CNTNAP2: variants seen among roughly 807,000 people sequenced by gnomAD.
The protein encoded by CNTNAP2 is contactin-associated protein-like 2.
Under a neutral mutation model 155.2 loss-of-function variants are expected in CNTNAP2, and 98 were observed. The ratio of observed to expected loss-of-function variants is 0.63; its 90% CI spans 0.54 to 0.75. CNTNAP2 has a LOEUF of 0.75. Among genes scored for constraint, CNTNAP2 ranks in the 30% least tolerant of loss-of-function variants. The probability of loss-of-function intolerance (pLI) is 0.00; values close to 1 mark genes in which losing one functional copy is unlikely to be tolerated. For synonymous variants in CNTNAP2, 651 were observed against 631.2 expected, an observed-to-expected ratio of 1.03 and a Z score of -0.47; for missense variants, 1,727 against 1,688.1, an observed-to-expected ratio of 1.02 and a Z score of -0.40.
At position 146,381,842 on chromosome 7, in the gene CNTNAP2, C is replaced by T. The variant is rs187420965; in HGVS notation, c.97+264869C>T. 1.4e-3 allele frequency among the ~76,000 whole-genome samples: 215 copies of T among 152,162 alleles called. 1 individual carries two copies. Among genetic ancestry groups the T allele is most frequent in the Non-Finnish European group, 2.7e-3 (181 of 67,994 alleles). ...CAATCGTATTTTTTTACTGCTGGTC[C>T]GCTGGGCTTGATCTTGCCTAGGGCT... On this transcript the variant is annotated intron_variant, in intron 1 of 23. Transcript: ENST00000361727.
rs190490629 is a variant in CNTNAP2 at position 146,455,608 on chromosome 7, A to G, written c.98-318663A>G. On this transcript the variant is annotated intron_variant, in intron 1 of 23. Coordinates refer to ENST00000361727, the MANE Select transcript of CNTNAP2 (RefSeq NM_014141.6). ...TTCTCTCATTCTATACATAATGTTT[A>G]TAATTTAAAATTCATAGGGTCTTAT... Among the ~76,000 whole-genome samples the G allele has an allele frequency of 1.4e-4, 21 of 152,290 alleles. No homozygotes were observed. In the East Asian group the frequency reaches 3.5e-3, roughly 25 times the overall value.
At chr7:147,183,790 C>T (rs1216135564) in intron 8 of CNTNAP2, among the ~76,000 whole-genome samples, 1 of 152,106 alleles carries the variant, frequency 6.6e-6, no homozygotes, top group Non-Finnish European at 1.5e-5. Context: ...AGATTACTAC[C>T]TGAGCTGCAG....
intron 9 of CNTNAP2, among the ~76,000 whole-genome samples, chr7:147,330,314 C>T (rs1795535674): frequency 6.6e-6 from 1 of 152,116 alleles, no homozygotes; most frequent in Non-Finnish European, 1.5e-5. Context: ...CCCGGTGCCT[C>T]CCATCATGCC....
rs888976222 is a variant in CNTNAP2 at position 147,527,015 on chromosome 7, C to CTTTTTTTTTTTT, written c.1778-35107_1778-35096dup. ...CATGAATTATGGAAGACAGGCATTT[C>CTTTTTTTTTTTT]TTTTTTTTTTTTTTTTTTTTTTTTT... On this transcript the variant is annotated intron_variant, in intron 11 of 23. Transcript: ENST00000361727. Among the ~76,000 whole-genome samples the CTTTTTTTTTTTT allele has an allele frequency of 5.1e-4, 33 of 65,168 alleles. 3 individuals carry two copies. Among genetic ancestry groups the CTTTTTTTTTTTT allele is most frequent in the African/African-American group, 2.5e-3 (32 of 12,768 alleles). The allele number at this position is 65,168 out of a possible 152,430, so 42.8% of individuals were successfully genotyped here.
chr7:147,450,995 C>A (rs538453580), intron 10 of CNTNAP2, among the ~76,000 whole-genome samples: 1 of 152,328 alleles, frequency 6.6e-6, no homozygotes, highest in African/African-American at 2.4e-5. Flanking sequence ...CCTTACTGTT[C>A]TTTGACCAGG....
intron 13 of CNTNAP2, among the ~76,000 whole-genome samples, chr7:147,739,575 C>T (rs1796921390): frequency 6.6e-6 from 1 of 151,918 alleles, no homozygotes; most frequent in Admixed American, 6.6e-5. Context: ...GTTTGAGGCA[C>T]ACACACATAT....
At chr7:146,524,645 T>G (rs1797661730) in intron 1 of CNTNAP2, among the ~76,000 whole-genome samples, 1 of 152,100 alleles carries the variant, frequency 6.6e-6, no homozygotes. Context: ...CCACAATGCC[T>G]TAGAAGGGAG....
intron 16 of CNTNAP2, among the ~76,000 whole-genome samples, chr7:148,129,771 T>C (rs17548646): frequency 0.022 from 3,347 of 152,348 alleles, 47 homozygotes; most frequent in Middle Eastern, 0.044. Context: ...AGGTCTCGTC[T>C]ACCATGAACA....
At chr7:148,114,819 A>G (rs1319608608) in intron 15 of CNTNAP2, among the ~76,000 whole-genome samples, 2 of 152,236 alleles carry the variant, frequency 1.3e-5, no homozygotes, top group African/African-American at 4.8e-5. Flanking sequence ...AATCGATATT[A>G]AAGGATAACA....
At chr7:147,697,750 G>A (rs932253590) in intron 13 of CNTNAP2, among the ~76,000 whole-genome samples, 3 of 152,196 alleles carry the variant, frequency 2.0e-5, no homozygotes, top group African/African-American at 4.8e-5. Context: ...AACCTCAGAA[G>A]ATTCAGCTCT....
chr7:147,249,116 T>C (rs1280034080), intron 8 of CNTNAP2, among the ~76,000 whole-genome samples: 1 of 152,170 alleles, frequency 6.6e-6, no homozygotes, highest in Non-Finnish European at 1.5e-5. Context: ...ATATAGCTTG[T>C]ATAGGGTTAA....
At chr7:146,886,131 C>T (rs1795653759) in intron 3 of CNTNAP2, among the ~76,000 whole-genome samples, 1 of 151,864 alleles carries the variant, frequency 6.6e-6, no homozygotes, top group African/African-American at 2.4e-5. Context: ...GCAATCAAAA[C>T]TGATTTTAAA....
intron 14 of CNTNAP2, among the ~76,000 whole-genome samples, chr7:147,968,228 G>A (rs567393699): frequency 6.4e-4 from 98 of 152,290 alleles, no homozygotes; most frequent in African/African-American, 2.1e-3. Flanking sequence ...AAAGAATCCC[G>A]AAATGGTTAC....
chr7:146,648,770 G>C (rs957133567), intron 1 of CNTNAP2, among the ~76,000 whole-genome samples: 4 of 152,034 alleles, frequency 2.6e-5, no homozygotes, highest in African/African-American at 9.7e-5. Context: ...GAGGCCCTTT[G>C]ATGCATTTAA....
intron 13 of CNTNAP2, among the ~76,000 whole-genome samples, chr7:147,661,167 C>T (rs1306979680): frequency 6.6e-6 from 1 of 152,152 alleles, no homozygotes; most frequent in Non-Finnish European, 1.5e-5. Context: ...CCAGTTAACC[C>T]AGCCCCTAAC....
intron 12 of CNTNAP2, among the ~76,000 whole-genome samples, chr7:147,584,615 A>G (rs77088912): frequency 3.2e-3 from 480 of 152,352 alleles, no homozygotes; most frequent in African/African-American, 0.011. Flanking sequence ...GAGAATACAA[A>G]TTTGTGTAGA....
intron 3 of CNTNAP2, among the ~76,000 whole-genome samples, chr7:147,021,600 CA>C (rs907517948): frequency 1.3e-5 from 2 of 152,148 alleles, no homozygotes; most frequent in African/African-American, 4.8e-5. Flanking sequence ...AGTTATAAAA[CA>C]ACCTCAAGGT....
intron 16 of CNTNAP2, among the ~76,000 whole-genome samples, chr7:148,132,031 A>T (rs1804841701): frequency 6.6e-6 from 1 of 152,238 alleles, no homozygotes; most frequent in Non-Finnish European, 1.5e-5. Context: ...CAAAACCATG[A>T]AAGAAAATAC....
intron 13 of CNTNAP2, among the ~76,000 whole-genome samples, chr7:147,729,893 T>C (rs530131434): frequency 6.6e-6 from 1 of 152,218 alleles, no homozygotes; most frequent in East Asian, 1.9e-4. Flanking sequence ...TATAGAGATT[T>C]TCCTTGTATG....
Sources: gnomAD v4.1 joint callset for allele counts (sites outside exome capture counted in the v4.1 genomes callset) on GRCh38, gnomAD v4.1.1 for gene constraint, MANE v1.5 for transcripts, NCBI Gene and HGNC (gene_info 2026-07-23, HGNC 2026-07-21) for gene names.